BTD: variants seen among roughly 807,000 people sequenced by gnomAD.
The protein encoded by BTD is biotinidase.
A neutral mutation model predicts 17.7 loss-of-function variants in BTD; 13 were observed. The observed-to-expected ratio is 0.74, with a 90% CI of 0.48 to 1.17. BTD has a LOEUF of 1.17. Among genes scored for constraint, BTD ranks in the 50% most tolerant of loss-of-function variants. The pLI is 0.00. For synonymous variants in BTD, 240 were observed against 245.2 expected, an observed-to-expected ratio of 0.98 and a Z score of 0.20; for missense variants, 674 against 650.4, an observed-to-expected ratio of 1.04 and a Z score of -0.39.
intron 3 of BTD, among the ~76,000 whole-genome samples, chr3:15,642,487 C>G (rs546839219): frequency 7.5e-6 from 1 of 133,964 alleles, no homozygotes; most frequent in South Asian, 2.4e-4. Flanking sequence ...TGGAGTCTTA[C>G]TCTGCCACCC....
chr3:15,696,440 T>C (rs544805410), intron 3 of BTD, among the ~76,000 whole-genome samples: 2 of 152,256 alleles, frequency 1.3e-5, no homozygotes, highest in African/African-American at 4.8e-5. Flanking sequence ...GAAACATTCA[T>C]GAGAATCTTC....
chr3:15,690,991 G>A (rs759772599), intron 3 of BTD, among the ~76,000 whole-genome samples: 15 of 152,254 alleles, frequency 9.9e-5, no homozygotes, highest in South Asian at 2.1e-4. Context: ...ACCCCATAAT[G>A]TGCCATAGCT....
intron 3 of BTD, chr3:15,709,711 G>A: frequency 1.3e-6 from 2 of 1,580,356 alleles, no homozygotes; most frequent in Non-Finnish European, 1.7e-6. Flanking sequence ...CCAGTATTCA[G>A]CAGAAGGTTT....
At chr3:15,695,608 C>A (rs565329064) in intron 3 of BTD, among the ~76,000 whole-genome samples, 1 of 152,200 alleles carries the variant, frequency 6.6e-6, no homozygotes, top group South Asian at 2.1e-4. Flanking sequence ...CTGTTACACA[C>A]ATGAATATCT....
intron 3 of BTD, chr3:15,689,890 C>A: frequency 1.3e-6 from 1 of 771,602 alleles, no homozygotes; most frequent in South Asian, 2.0e-5. Context: ...GTCAAATAAT[C>A]CATATATGAT....
chr3:15,662,853 GTTT>G (rs34083448), intron 3 of BTD, among the ~76,000 whole-genome samples: 2 of 126,572 alleles, frequency 1.6e-5, no homozygotes, highest in Non-Finnish European at 1.6e-5. Context: ...CAGGCTGGAG[GTTT>G]TTTTTTTTTT....
At chr3:15,616,176 T>G (rs1355936769) in intron 1 of BTD, among the ~76,000 whole-genome samples, 1 of 152,220 alleles carries the variant, frequency 6.6e-6, no homozygotes, top group Non-Finnish European at 1.5e-5. Flanking sequence ...AGAATACGAT[T>G]GCTGAATCAT....
intron 3 of BTD, among the ~76,000 whole-genome samples, chr3:15,672,170 G>T (rs2066436917): frequency 6.8e-6 from 1 of 147,854 alleles, no homozygotes; most frequent in Admixed American, 6.8e-5. Context: ...TTTTGAGACA[G>T]GGTCTTGTTC....
At chr3:15,685,897 T>C (rs2068064024) in intron 3 of BTD, 2 of 862,906 alleles carry the variant, frequency 2.3e-6, no homozygotes, top group African/African-American at 1.7e-5. Flanking sequence ...GTAAAGACTA[T>C]TTGACGAACA....
intron 3 of BTD, chr3:15,695,220 A>G: frequency 6.3e-7 from 1 of 1,576,456 alleles, no homozygotes; most frequent in Non-Finnish European, 8.6e-7. Flanking sequence ...GCAATCTGAA[A>G]TAAAAGTCAA....
At position 15,693,484 on chromosome 3, in the gene BTD, C is replaced by T. The variant is rs183668399; in HGVS notation, c.400-16576C>T. ...AACATCATTAAACTGATAACTAAGT[C>T]CTAAAGACTGCAGGGCTTTTGGGAG... On this transcript the variant is annotated intron_variant, in intron 3 of 3. Transcript: ENST00000672141. Among the ~76,000 whole-genome samples the T allele has an allele frequency of 4.1e-4, 63 of 152,198 alleles. No homozygotes were observed. The East Asian group carries it at 0.012, about 28-fold the overall frequency.
At chr3:15,660,907 T>C (rs978920592) in intron 3 of BTD, among the ~76,000 whole-genome samples, 2 of 152,184 alleles carry the variant, frequency 1.3e-5, no homozygotes, top group Non-Finnish European at 2.9e-5. Flanking sequence ...TGTTTAGTTT[T>C]GTAAGAAACT....
chr3:15,665,052 TA>T (rs1283180588), intron 3 of BTD, among the ~76,000 whole-genome samples: 2 of 152,210 alleles, frequency 1.3e-5, no homozygotes, highest in African/African-American at 4.8e-5. Flanking sequence ...ATTTCTTTTC[TA>T]ATTAAGCTAG....
At chr3:15,628,329 C>A (rs2125422756) in intron 1 of BTD, among the ~76,000 whole-genome samples, 1 of 152,344 alleles carries the variant, frequency 6.6e-6, no homozygotes, top group East Asian at 1.9e-4. Flanking sequence ...ATACAATCAG[C>A]AATATTGTGT....
rs141036647 is a variant in BTD, at chr3:15,607,891, T to A, written c.-17+5997T>A. Among the ~76,000 whole-genome samples the A allele has an allele frequency of 1.0e-3, 152 of 152,306 alleles. 1 individual carries two copies. Among genetic ancestry groups the A allele is most frequent in the Non-Finnish European group, 1.8e-3 (122 of 68,024 alleles). On this transcript the variant is annotated intron_variant, in intron 1 of 3. Transcript: ENST00000643237. ...TATGTCAACATAGGAAGTAAAATAA[T>A]GTAATGAAAAGGTTCTTTGAATAAA... is the stretch of plus-strand genomic sequence containing the variant.
chr3:15,611,511 A>G (rs1291176803), intron 1 of BTD, among the ~76,000 whole-genome samples: 34 of 152,222 alleles, frequency 2.2e-4, no homozygotes, highest in Admixed American at 2.2e-3. Flanking sequence ...CTTTATAGTT[A>G]GAAAGAATTC....
At chr3:15,708,073 T>G in intron 3 of BTD, 1 of 1,593,840 alleles carries the variant, frequency 6.3e-7, no homozygotes, top group Non-Finnish European at 8.5e-7. Flanking sequence ...ATCTTTTGGG[T>G]CCAAGTTAAT....
rs1404573860 is a variant in BTD at position 15,601,772 on chromosome 3, T to A, written c.-139T>A. The A allele has an allele frequency of 2.5e-6, 4 of 1,609,822 alleles. No homozygotes were observed. In the South Asian group the frequency reaches 3.3e-5, roughly 13 times the overall value. On this transcript the variant is annotated 5_prime_UTR_variant, in exon 1 of 4. The change abolishes the stop of an existing upstream ORF in the 5' untranslated region. Transcript: ENST00000643237. The stretch of plus-strand genomic sequence containing the variant: ...GAGATTGCTGCCTATGCAAAGCAGG[T>A]AAGAAGCCGAACTCTGAGGCCTCTC...
Position 15,645,803 on chromosome 3 carries a change from A to T in BTD, c.*315A>T. 2 of 264,734 alleles carry T rather than the reference A, an allele frequency of 7.6e-6. No individual in the cohort carries two copies. The highest frequency in any genetic ancestry group is 7.2e-6 in the Non-Finnish European group (1 of 139,680). 16.4% of individuals were successfully genotyped at this position (264,734 alleles called of 1,614,324 possible). A position where few individuals can be genotyped will look rare whatever the true frequency, so the allele number is the denominator to read the frequency against. On this transcript the variant is annotated 3_prime_UTR_variant, in exon 4 of 4. Coordinates refer to ENST00000643237, the MANE Select transcript of BTD (RefSeq NM_001370658.1). ...CTAAAACAAAAATAAATGTCAGTTT[A>T]TATTTTACACATCCACAAAGCAGTG...
Sources: allele counts gnomAD v4.1 joint callset (sites outside exome capture counted in the v4.1 genomes callset), GRCh38; gene constraint gnomAD v4.1.1; transcripts MANE v1.5; gene names NCBI Gene and HGNC (gene_info 2026-07-23, HGNC 2026-07-21).